Variants in CACNA1C observed in about 807,000 individuals in gnomAD.
CACNA1C encodes the protein calcium voltage-gated channel subunit alpha1 C, also known as voltage-dependent L-type calcium channel subunit alpha-1C.
A neutral mutation model predicts 229.0 loss-of-function variants in CACNA1C; 30 were observed. The ratio of observed to expected loss-of-function variants is 0.13; its 90% CI spans 0.10 to 0.18. CACNA1C has a LOEUF of 0.18. Among genes scored for constraint, CACNA1C ranks in the 10% least tolerant of loss-of-function variants. The pLI is 1.00. For synonymous variants in CACNA1C, 1,114 were observed against 1,132.5 expected (o/e 0.98, Z 0.33); for missense variants, 1,658 against 2,845.0 (o/e 0.58, Z 9.49).
chr12:2,672,741 C>CTAT (rs2096621190), intron 38 of CACNA1C, among the ~76,000 whole-genome samples: 1 of 152,186 alleles, frequency 6.6e-6, no homozygotes, highest in South Asian at 2.1e-4. Context: ...GGTGAAAATC[C>CTAT]TATTTCCAAC....
intron 1 of CACNA1C, among the ~76,000 whole-genome samples, chr12:2,001,467 G>C (rs2154479102): frequency 6.6e-6 from 1 of 152,192 alleles, no homozygotes; most frequent in African/African-American, 2.4e-5. Context: ...ACCCAAAATG[G>C]AATATAAAAT....
intron 1 of CACNA1C, among the ~76,000 whole-genome samples, chr12:2,095,622 C>T (rs2073569835): frequency 6.6e-6 from 1 of 152,140 alleles, no homozygotes; most frequent in South Asian, 2.1e-4. Context: ...CCTTCAAGGA[C>T]CCTGGAGGAG....
At chr12:2,635,295 G>A (rs1370051722) in intron 30 of CACNA1C, among the ~76,000 whole-genome samples, 1 of 152,150 alleles carries the variant, frequency 6.6e-6, no homozygotes, top group African/African-American at 2.4e-5. Context: ...ACCAGTTCCT[G>A]CACATGTCTT....
intron 4 of CACNA1C, among the ~76,000 whole-genome samples, chr12:2,452,505 C>T (rs1025015503): frequency 1.3e-5 from 2 of 152,178 alleles, no homozygotes; most frequent in Non-Finnish European, 2.9e-5. Context: ...AGCTCCACTG[C>T]CGGACTACAG....
chr12:2,128,273 T>C (rs530311463), intron 3 of CACNA1C, among the ~76,000 whole-genome samples: 83 of 152,238 alleles, frequency 5.5e-4, no homozygotes, highest in Middle Eastern at 6.8e-3. Flanking sequence ...GAGTATCCAA[T>C]GAAGTATATG....
At chr12:2,655,297 TG>T in intron 34 of CACNA1C, 59 bp downstream of exon 34, 4 of 1,038,774 alleles carry the variant, frequency 3.9e-6, no homozygotes, top group Non-Finnish European at 5.8e-6. Context: ...TGCCACACTG[TG>T]GCCTGGTGGT....
intron 1 of CACNA1C, among the ~76,000 whole-genome samples, chr12:1,984,778 T>TTAA (rs1230989393): frequency 3.7e-4 from 30 of 81,342 alleles, no homozygotes; most frequent in Admixed American, 5.9e-4. Flanking sequence ...GGTCTTCTGG[T>TTAA]AAAAAAAAAA....
At chr12:1,999,489 G>A (rs2041689786) in intron 1 of CACNA1C, among the ~76,000 whole-genome samples, 1 of 152,158 alleles carries the variant, frequency 6.6e-6, no homozygotes, top group African/African-American at 2.4e-5. Flanking sequence ...AGGCAGGCAG[G>A]AGGATCGCTT....
intron 3 of CACNA1C, among the ~76,000 whole-genome samples, chr12:2,321,110 C>A (rs550273797): frequency 8.5e-5 from 13 of 152,316 alleles, no homozygotes; most frequent in African/African-American, 2.9e-4. Flanking sequence ...CCAACAGAGG[C>A]TGTCTGCTTG....
intron 9 of CACNA1C, among the ~76,000 whole-genome samples, chr12:2,527,627 TC>T (rs1260350297): frequency 2.0e-5 from 3 of 152,192 alleles, no homozygotes; most frequent in Non-Finnish European, 4.4e-5. Context: ...AATTAAGGAC[TC>T]CTTTCTTGTC....
intron 43 of CACNA1C, among the ~76,000 whole-genome samples, chr12:2,685,029 T>G (rs1437880190): frequency 1.3e-5 from 2 of 152,158 alleles, no homozygotes; most frequent in Non-Finnish European, 2.9e-5. Flanking sequence ...TGAATCAAAA[T>G]TTTAATAAAA....
intron 1 of CACNA1C, among the ~76,000 whole-genome samples, chr12:1,985,936 A>G (rs1043716272): frequency 7.9e-5 from 12 of 151,904 alleles, no homozygotes; most frequent in African/African-American, 1.5e-4. Flanking sequence ...TCAGCCTCCC[A>G]AGTAGCTGGG....
chr12:1,984,457 T>C (rs1593076170), intron 1 of CACNA1C, among the ~76,000 whole-genome samples: 1 of 152,192 alleles, frequency 6.6e-6, no homozygotes, highest in Admixed American at 6.5e-5. Flanking sequence ...TTAGAGTTTT[T>C]CTTTTACCAC....
chr12:2,386,289 G>A (rs1239488477), intron 3 of CACNA1C, among the ~76,000 whole-genome samples: 1 of 152,148 alleles, frequency 6.6e-6, no homozygotes, highest in East Asian at 1.9e-4. Context: ...GTATTTACAT[G>A]ATTTTTTTAA....
intron 1 of CACNA1C, among the ~76,000 whole-genome samples, chr12:2,055,678 A>G (rs1180427514): frequency 6.6e-6 from 1 of 152,218 alleles, no homozygotes; most frequent in African/African-American, 2.4e-5. Flanking sequence ...TTCCAGCAAC[A>G]TGCCAGCAAA....
chr12:2,309,065 A>C (rs1372860505), intron 3 of CACNA1C, among the ~76,000 whole-genome samples: 1 of 152,252 alleles, frequency 6.6e-6, no homozygotes, highest in African/African-American at 2.4e-5. Context: ...AGCATTATTC[A>C]CAATAGCCAA....
At chr12:2,135,904 G>C (rs1281846315) in intron 3 of CACNA1C, among the ~76,000 whole-genome samples, 5 of 149,076 alleles carry the variant, frequency 3.4e-5, no homozygotes, top group Middle Eastern at 3.4e-3. Flanking sequence ...CCCTCCCCCA[G>C]CCTCGCTGCC....
rs755436625 is a variant in CACNA1C at position 2,567,684 on chromosome 12, C to T, written c.1785C>T (p.Val595=). Residue 595 remains valine, a synonymous_variant, in exon 13 of 47, where the codon GTC becomes GTT. Transcript: ENST00000399655. ...VSLFNRFDCF[V]VCGGILETIL... is the part of the protein sequence containing the mutation. The stretch of plus-strand genomic sequence containing the variant: ...TCTTCAACCGCTTTGACTGCTTCGT[C>T]GTGTGTGGCGGCATCCTGGAGACCA... 36 of 1,613,504 alleles carry T rather than the reference C, an allele frequency of 2.2e-5. No individual in the cohort carries two copies. The East Asian group carries it at 5.6e-4, about 25-fold the overall frequency.
chr12:2,487,409 A>G (rs528027683), intron 6 of CACNA1C, among the ~76,000 whole-genome samples: 13 of 149,378 alleles, frequency 8.7e-5, no homozygotes, highest in Non-Finnish European at 1.9e-4. Flanking sequence ...AATTCGTAGC[A>G]GAAACCAAAA....
Sources: allele counts gnomAD v4.1 joint callset (sites outside exome capture counted in the v4.1 genomes callset), GRCh38; gene constraint gnomAD v4.1.1; transcripts MANE v1.5; gene names NCBI Gene and HGNC (gene_info 2026-07-23, HGNC 2026-07-21).